The following RBFOX1 variants were observed in gnomAD, a reference collection of about 807,000 sequenced individuals.
The protein encoded by RBFOX1 is RNA binding fox-1 homolog 1.
Under a neutral mutation model 57.7 loss-of-function variants are expected in RBFOX1, and 8 were observed. The ratio of observed to expected loss-of-function variants is 0.14; its 90% CI spans 0.08 to 0.25. The LOEUF is 0.25. Among genes scored for constraint, RBFOX1 ranks in the 10% least tolerant of loss-of-function variants. The pLI, the probability that RBFOX1 is intolerant of heterozygous loss-of-function variation, is 1.00. For missense variants in RBFOX1, 611 were observed against 548.5 expected (o/e 1.11, Z -1.14); for synonymous variants, 326 against 222.4 (o/e 1.47, Z -4.15).
At chr16:7,080,500 C>T (rs1368440659) in intron 4 of RBFOX1, among the ~76,000 whole-genome samples, 1 of 152,032 alleles carries the variant, frequency 6.6e-6, no homozygotes, top group East Asian at 1.9e-4. Context: ...GTGTTTTTCC[C>T]CTTCATGTTT....
Position 6,875,288 on chromosome 16 carries a change from C to T in RBFOX1, c.-15-176769C>T, listed in dbSNP as rs372687606. Among the ~76,000 whole-genome samples, 8 of 152,170 alleles carry T rather than the reference C, an allele frequency of 5.3e-5. No homozygotes were observed. The East Asian group carries it at 1.3e-3, about 26-fold the overall frequency. On this transcript the variant is annotated intron_variant, in intron 3 of 15. Transcript: ENST00000550418. ...CTCTTCGGTTGTCTAAACAATACAA[C>T]TCGTTATGGTGGGGGTGCGTTTTTT...
chr16:5,753,367 AT>A (rs1431645472), intron 3 of RBFOX1, among the ~76,000 whole-genome samples: 1 of 152,192 alleles, frequency 6.6e-6, no homozygotes, highest in Non-Finnish European at 1.5e-5. Flanking sequence ...ATTAGTGGTT[AT>A]TATTTTACTG....
chr16:5,921,786 G>T (rs2058827502), intron 4 of RBFOX1, among the ~76,000 whole-genome samples: 1 of 152,080 alleles, frequency 6.6e-6, no homozygotes, highest in Non-Finnish European at 1.5e-5. Context: ...GATAAAGGGA[G>T]AGCAGGTGCA....
At chr16:6,979,703 A>T (rs951078005) in intron 3 of RBFOX1, among the ~76,000 whole-genome samples, 3 of 152,198 alleles carry the variant, frequency 2.0e-5, no homozygotes, top group Admixed American at 6.5e-5. Flanking sequence ...AGGCGTTATT[A>T]TGCTTATAAA....
chr16:6,926,737 G>C (rs963403879), intron 3 of RBFOX1, among the ~76,000 whole-genome samples: 3 of 152,182 alleles, frequency 2.0e-5, no homozygotes, highest in African/African-American at 4.8e-5. Flanking sequence ...TGGTGAAAGA[G>C]AGCACACTTC....
chr16:7,278,158 G>A (rs721072), intron 4 of RBFOX1, among the ~76,000 whole-genome samples: 10,793 of 152,176 alleles, frequency 0.071, 1,277 homozygotes, highest in African/African-American at 0.24. Context: ...TTCTGTGCAC[G>A]TGGTTTTAAG....
rs2083943728 is a variant in RBFOX1 at position 7,711,142 on chromosome 16, T to C, written c.*397T>C. On this transcript the variant is annotated 3_prime_UTR_variant, in exon 16 of 16. Coordinates refer to ENST00000550418, the MANE Select transcript of RBFOX1 (RefSeq NM_018723.4). ...AGAGTGTAAGTGACTACAGTAGTCA[T>C]TTTTTTCTGCACCTGCATTATTTTA... The C allele has an allele frequency of 6.5e-6, 1 of 154,402 alleles. No homozygotes were observed. Among genetic ancestry groups the C allele is most frequent in the Non-Finnish European group, 1.4e-5 (1 of 69,452 alleles). The allele number at this position is 154,402 out of a possible 1,614,324, so 9.6% of individuals were successfully genotyped here. A position where few individuals can be genotyped will look rare whatever the true frequency, so the allele number is the denominator to read the frequency against.
Position 6,084,779 on chromosome 16 carries a change from T to G in RBFOX1, c.-127+64787T>G, listed in dbSNP as rs566551345. Among the ~76,000 whole-genome samples the G allele has an allele frequency of 8.7e-4, 106 of 122,430 alleles. 2 individuals carry two copies. In the South Asian group the frequency reaches 0.024, roughly 27 times the overall value. 80.3% of individuals were successfully genotyped at this position (122,430 alleles called of 152,430 possible). A position where few individuals can be genotyped will look rare whatever the true frequency, so the allele number is the denominator to read the frequency against. Reference sequence around the variant, plus strand: ...GGAAGCCCAGGCTTGCTTGTTCTTATGTTTTGCAGGACAAACGTCTTAGAA... The same window carrying G: ...GGAAGCCCAGGCTTGCTTGTTCTTAGGTTTTGCAGGACAAACGTCTTAGAA... On this transcript the variant is annotated intron_variant, in intron 1 of 15. Coordinates refer to ENST00000550418, the MANE Select transcript of RBFOX1 (RefSeq NM_018723.4).
At chr16:6,251,434 G>T (rs936317707) in intron 1 of RBFOX1, among the ~76,000 whole-genome samples, 3 of 152,100 alleles carry the variant, frequency 2.0e-5, no homozygotes, top group Admixed American at 2.0e-4. Context: ...CTGAACTAAG[G>T]TCCTTAGGTC....
At chr16:5,253,507 C>A (rs535108098) in intron 1 of RBFOX1, among the ~76,000 whole-genome samples, 1 of 152,110 alleles carries the variant, frequency 6.6e-6, no homozygotes, top group Non-Finnish European at 1.5e-5. Context: ...AGGACTCTGT[C>A]CTGGGTATAC....
intron 4 of RBFOX1, among the ~76,000 whole-genome samples, chr16:7,297,528 C>G (rs1454181068): frequency 6.6e-6 from 1 of 152,110 alleles, no homozygotes; most frequent in Non-Finnish European, 1.5e-5. Context: ...TGCTATGTAG[C>G]TTAGTCCATT....
intron 4 of RBFOX1, among the ~76,000 whole-genome samples, chr16:7,242,713 G>C (rs2094127337): frequency 1.3e-5 from 2 of 152,326 alleles, no homozygotes; most frequent in South Asian, 4.1e-4. Flanking sequence ...AGTTGGACCA[G>C]GTTTCTGATT....
Position 7,595,617 on chromosome 16 carries a change from C to G in RBFOX1, c.537C>G (p.Thr179=), listed in dbSNP as rs756360831. 6.3e-7 allele frequency: 1 copy of G among 1,579,914 alleles called. No homozygotes were observed. The highest frequency in any genetic ancestry group is 1.8e-5 in the Admixed American group (1 of 56,688). ...GGGCGAGGGAGAAATTACACGGCACCGTGGTAGAGGGCCGTAAAATCGAGG... is the reference window on the plus strand; with the variant it reads ...GGGCGAGGGAGAAATTACACGGCACGGTGGTAGAGGGCCGTAAAATCGAGG... The part of the protein sequence containing the change: ...ADRAREKLHG[T]VVEGRKIEVN... Residue 179 remains threonine, a synonymous_variant, in exon 8 of 16, where the codon ACC becomes ACG. Transcript: ENST00000550418.
At chr16:6,682,178 C>A (rs561559588) in intron 3 of RBFOX1, among the ~76,000 whole-genome samples, 5 of 152,094 alleles carry the variant, frequency 3.3e-5, no homozygotes, top group African/African-American at 1.2e-4. Context: ...ATCATTTGTG[C>A]CCAAGGATTA....
intron 4 of RBFOX1, among the ~76,000 whole-genome samples, chr16:7,069,063 T>C (rs2056775773): frequency 6.6e-6 from 1 of 152,242 alleles, no homozygotes; most frequent in Non-Finnish European, 1.5e-5. Flanking sequence ...CTAAAGACTC[T>C]AGGAGATGTC....
intron 1 of RBFOX1, among the ~76,000 whole-genome samples, chr16:6,121,596 G>C (rs1183351515): frequency 6.6e-6 from 1 of 152,044 alleles, no homozygotes; most frequent in East Asian, 1.9e-4. Flanking sequence ...TTGTCTAAGG[G>C]AGCATTCCTG....
chr16:6,357,975 A>G (rs2087691232), intron 2 of RBFOX1, among the ~76,000 whole-genome samples: 1 of 151,778 alleles, frequency 6.6e-6, no homozygotes. Context: ...AAAAAAAAAA[A>G]AAAGAAATTA....
chr16:7,348,956 T>A (rs1341785240), intron 4 of RBFOX1, among the ~76,000 whole-genome samples: 1 of 152,010 alleles, frequency 6.6e-6, no homozygotes, highest in East Asian at 1.9e-4. Flanking sequence ...AAAAAAAGAA[T>A]GAAGAGAGAG....
At chr16:7,001,804 T>G (rs979524238) in intron 3 of RBFOX1, among the ~76,000 whole-genome samples, 1 of 152,136 alleles carries the variant, frequency 6.6e-6, no homozygotes, top group Non-Finnish European at 1.5e-5. Flanking sequence ...GCAGCTCAAT[T>G]TGGGAGATTT....
Sources: gnomAD v4.1 joint callset for allele counts (sites outside exome capture counted in the v4.1 genomes callset) on GRCh38, gnomAD v4.1.1 for gene constraint, MANE v1.5 for transcripts, NCBI Gene and HGNC (gene_info 2026-07-23, HGNC 2026-07-21) for gene names.